Variants in YAE1 observed in about 807,000 individuals in gnomAD.
YAE1 encodes the protein YAE1 maturation factor of ABCE1, also known as protein YAE1 homolog.
YAE1 carries 22 observed loss-of-function variants against 23.0 expected under a neutral mutation model. The observed-to-expected ratio is 0.96, with a 90% CI of 0.68 to 1.37. YAE1 has a LOEUF of 1.37. Ranked by LOEUF, YAE1 falls within the 40% of genes most tolerant of loss-of-function variation. The pLI is 0.00. For synonymous variants in YAE1, 101 were observed against 97.0 expected, an observed-to-expected ratio of 1.04 and a Z score of -0.24; for missense variants, 260 against 262.1, an observed-to-expected ratio of 0.99 and a Z score of 0.06.
intron 2 of YAE1, among the ~76,000 whole-genome samples, chr7:39,589,691 C>T (rs570741137): frequency 3.5e-4 from 53 of 152,204 alleles, no homozygotes; most frequent in Admixed American, 7.2e-4. Context: ...TTGTGCTTTC[C>T]GTAATTAAAG....
intron 2 of YAE1, among the ~76,000 whole-genome samples, chr7:39,598,863 TA>T (rs1289879234): frequency 6.6e-6 from 1 of 150,926 alleles, no homozygotes; most frequent in Non-Finnish European, 1.5e-5. Flanking sequence ...TTATGTTACA[TA>T]AACTGTTTAA....
intron 2 of YAE1, among the ~76,000 whole-genome samples, chr7:39,601,184 G>C (rs984845871): frequency 6.6e-6 from 1 of 152,142 alleles, no homozygotes; most frequent in Non-Finnish European, 1.5e-5. Flanking sequence ...TCTAAGTAAG[G>C]TTTTTGGGGA....
At chr7:39,587,043 TTTTC>T (rs1334001451) in intron 2 of YAE1, among the ~76,000 whole-genome samples, 1 of 149,628 alleles carries the variant, frequency 6.7e-6, no homozygotes, top group African/African-American at 2.5e-5. Context: ...TCTTTCTTTC[TTTTC>T]TTTCTTTCTC....
chr7:39,596,693 G>A lies in YAE1; in HGVS notation c.252-12924G>A, dbSNP rs189478140. Among the ~76,000 whole-genome samples the A allele has an allele frequency of 1.2e-4, 18 of 152,070 alleles. No homozygotes were observed. In the East Asian group the frequency reaches 3.3e-3, roughly 28 times the overall value. On this transcript the variant is annotated intron_variant, in intron 2 of 2. Transcript: ENST00000432096. ...TACATTAAATTACTTATGACGTTAC[G>A]TGAAAAGTGCCTATTTACTTACCTC...
downstream of YAE1, among the ~76,000 whole-genome samples, chr7:39,611,054 A>G (rs1055396674): frequency 1.3e-5 from 2 of 152,076 alleles, no homozygotes; most frequent in African/African-American, 4.8e-5. Context: ...AGGCTGAGGC[A>G]GGAGAATCAC....
At chr7:39,577,355 C>T (rs370104695), downstream of YAE1, among the ~76,000 whole-genome samples, 37 of 152,356 alleles carry the variant, frequency 2.4e-4, no homozygotes, top group East Asian at 5.8e-3. Context: ...GCTTGAGGAG[C>T]CCTTCAGCCC....
intron 2 of YAE1, among the ~76,000 whole-genome samples, chr7:39,599,520 A>T (rs1423612688): frequency 6.6e-6 from 1 of 151,944 alleles, no homozygotes; most frequent in African/African-American, 2.4e-5. Flanking sequence ...GACTATAGGC[A>T]TGTGCCACCA....
At chr7:39,609,247 A>G (rs1029469691) in intron 2 of YAE1, among the ~76,000 whole-genome samples, 2 of 152,262 alleles carry the variant, frequency 1.3e-5, no homozygotes, top group Non-Finnish European at 2.9e-5. Context: ...CCCCACAGAT[A>G]ATATGATGAA....
chr7:39,593,584 C>G (rs974775205), intron 2 of YAE1, among the ~76,000 whole-genome samples: 2 of 151,964 alleles, frequency 1.3e-5, no homozygotes, highest in African/African-American at 2.4e-5. Flanking sequence ...CCTCAGCCCC[C>G]AAGTAGCTGG....
chr7:39,607,674 T>C (rs1313709400), intron 2 of YAE1, among the ~76,000 whole-genome samples: 2 of 152,184 alleles, frequency 1.3e-5, no homozygotes, highest in Admixed American at 1.3e-4. Context: ...TTGTTACTGT[T>C]TGTTTGTTTT....
At chr7:39,586,452 G>T (rs1171748554) in intron 2 of YAE1, among the ~76,000 whole-genome samples, 1 of 150,688 alleles carries the variant, frequency 6.6e-6, no homozygotes. Flanking sequence ...GATTACAGGG[G>T]TGAGCCACCG....
In YAE1 at chr7:39,605,198, T is replaced by A. The variant is rs1322188368; in HGVS notation, c.252-4419T>A. Reference sequence around the variant, plus strand: ...GGTGGGAAACCAGACCAGGTCAAAGTGACTTTGTAACCATGGTCTGCAACC... The same window carrying A: ...GGTGGGAAACCAGACCAGGTCAAAGAGACTTTGTAACCATGGTCTGCAACC... On this transcript the variant is annotated intron_variant, in intron 2 of 2. Transcript: ENST00000432096. Among the ~76,000 whole-genome samples, 4 of 152,288 alleles carry A rather than the reference T, an allele frequency of 2.6e-5. No individual in the cohort carries two copies. In the East Asian group the frequency reaches 5.8e-4, roughly 22 times the overall value.
chr7:39,572,325 C>A lies in YAE1; in HGVS notation c.300C>A (p.Ile100=). The A allele has an allele frequency of 6.2e-7, 1 of 1,613,774 alleles. No individual in the cohort carries two copies. The highest frequency in any genetic ancestry group is 1.1e-5 in the South Asian group (1 of 90,970). ...CHLHNNNSTL[I]NKINNLLDAV... The stretch of plus-strand genomic sequence containing the variant: ...TTCATAATAATAATTCAACTTTGAT[C>A]AATAAAATAAACAATCTTCTGGATG... Residue 100 remains isoleucine, a synonymous_variant, in exon 3 of 3, where the codon ATC becomes ATA. Coordinates refer to ENST00000223273, the MANE Select transcript of YAE1 (RefSeq NM_020192.5).
intron 2 of YAE1, among the ~76,000 whole-genome samples, chr7:39,579,087 A>G (rs1162120724): frequency 6.6e-6 from 1 of 152,226 alleles, no homozygotes; most frequent in Admixed American, 6.5e-5. Context: ...AGAGAGGGGA[A>G]GTAATGGTTA....
chr7:39,578,307 C>A (rs1251915590), intron 2 of YAE1, among the ~76,000 whole-genome samples: 1 of 152,176 alleles, frequency 6.6e-6, no homozygotes, highest in Non-Finnish European at 1.5e-5. Flanking sequence ...TAAAACAGAC[C>A]GATCAGCTCT....
At chr7:39,586,862 G>A (rs1446945050) in intron 2 of YAE1, among the ~76,000 whole-genome samples, 1 of 152,132 alleles carries the variant, frequency 6.6e-6, no homozygotes, top group Non-Finnish European at 1.5e-5. Context: ...TGCTTACGTT[G>A]TCTTGGAGTA....
downstream of YAE1, among the ~76,000 whole-genome samples, chr7:39,610,609 A>T (rs924172068): frequency 6.6e-6 from 1 of 152,172 alleles, no homozygotes; most frequent in Non-Finnish European, 1.5e-5. Context: ...TTCTGTAAGA[A>T]GTGTGTGTGA....
intron 2 of YAE1, among the ~76,000 whole-genome samples, chr7:39,600,897 T>C (rs940833980): frequency 6.6e-6 from 1 of 152,214 alleles, no homozygotes; most frequent in Non-Finnish European, 1.5e-5. Context: ...GTCAATACCT[T>C]GATCTTGAAC....
downstream of YAE1, among the ~76,000 whole-genome samples, chr7:39,575,188 G>C (rs987184265): frequency 1.3e-5 from 2 of 152,234 alleles, no homozygotes; most frequent in African/African-American, 2.4e-5. Context: ...AGACTGAGTG[G>C]TGTGGCTTCC....
Sources: allele counts gnomAD v4.1 joint callset (sites outside exome capture counted in the v4.1 genomes callset), GRCh38; gene constraint gnomAD v4.1.1; transcripts MANE v1.5; gene names NCBI Gene and HGNC (gene_info 2026-07-23, HGNC 2026-07-21).